The following SPSB4 variants were observed in gnomAD, a reference collection of about 807,000 sequenced individuals.
SPSB4 encodes the protein splA/ryanodine receptor domain and SOCS box containing 4.
Under a neutral mutation model 20.9 loss-of-function variants are expected in SPSB4, and 21 were observed. The ratio of observed to expected loss-of-function variants is 1.01; its 90% CI spans 0.71 to 1.45. SPSB4 has a LOEUF of 1.45. Ranked by LOEUF, SPSB4 falls within the 40% of genes most tolerant of loss-of-function variation. SPSB4 has a pLI of 0.00. For missense variants in SPSB4, 399 were observed against 399.2 expected (o/e 1.00, Z 0.00); for synonymous variants, 207 against 183.8 (o/e 1.13, Z -1.02).
At position 141,065,955 on chromosome 3, in the gene SPSB4, C is replaced by T. The variant is rs1390789141; in HGVS notation, c.-150C>T. The stretch of plus-strand genomic sequence containing the variant: ...CGTGCCCTTTGCTTCCTTCCAGGAG[C>T]TTGGGCCCCTGCCGCAGCCCGGTAG... On this transcript the variant is annotated 5_prime_UTR_variant, in exon 2 of 3. Transcript: ENST00000310546. The T allele has an allele frequency of 4.5e-6, 3 of 667,692 alleles. No individual in the cohort carries two copies. The African/African-American group carries it at 5.8e-5, about 13-fold the overall frequency. 41.4% of individuals were successfully genotyped at this position (667,692 alleles called of 1,614,324 possible).
At chr3:141,147,102 T>C (rs374933574) in intron 2 of SPSB4, 40 bp from the exon 3 acceptor site, 51 of 1,609,120 alleles carry the variant, frequency 3.2e-5, no homozygotes, top group Admixed American at 5.0e-5. Context: ...GGTGCCAGGA[T>C]GGCACAGGGC....
At chr3:141,117,458 G>A (rs1938895106) in intron 2 of SPSB4, among the ~76,000 whole-genome samples, 1 of 152,172 alleles carries the variant, frequency 6.6e-6, no homozygotes, top group Admixed American at 6.5e-5. Flanking sequence ...TTTGAGTTTG[G>A]TTGGGGCCAC....
At chr3:141,136,869 C>A (rs974322034) in intron 2 of SPSB4, among the ~76,000 whole-genome samples, 10 of 152,118 alleles carry the variant, frequency 6.6e-5, no homozygotes, top group Non-Finnish European at 1.0e-4. Flanking sequence ...TTTTCCAATT[C>A]TGTGAAGAAA....
chr3:141,146,237 C>T (rs1366626692), intron 2 of SPSB4, among the ~76,000 whole-genome samples: 1 of 152,076 alleles, frequency 6.6e-6, no homozygotes, highest in Non-Finnish European at 1.5e-5. Context: ...GGTCCTATGT[C>T]CAGTGGTTCC....
At chr3:141,060,509 A>G (rs1030188068) in intron 1 of SPSB4, among the ~76,000 whole-genome samples, 1 of 152,210 alleles carries the variant, frequency 6.6e-6, no homozygotes, top group Non-Finnish European at 1.5e-5. Context: ...ACCCCAGGTT[A>G]TGCAAGTTAT....
chr3:141,058,915 A>G (rs796373226), intron 1 of SPSB4, among the ~76,000 whole-genome samples: 2 of 152,262 alleles, frequency 1.3e-5, no homozygotes, highest in African/African-American at 4.8e-5. Context: ...CATCCTCTGA[A>G]AAACAGCAGA....
intron 2 of SPSB4, among the ~76,000 whole-genome samples, chr3:141,111,543 G>A (rs923340299): frequency 2.4e-4 from 37 of 152,008 alleles, no homozygotes; most frequent in African/African-American, 8.7e-4. Flanking sequence ...GGCAGGAAGA[G>A]GCCTGGGCTG....
chr3:141,069,557 GC>G (rs1937954466), intron 2 of SPSB4, among the ~76,000 whole-genome samples: 1 of 152,280 alleles, frequency 6.6e-6, no homozygotes, highest in South Asian at 2.1e-4. Flanking sequence ...CAAAAGGCAG[GC>G]CAACTCTCTG....
chr3:141,114,591 G>A (rs528760862), intron 2 of SPSB4, among the ~76,000 whole-genome samples: 15 of 152,310 alleles, frequency 9.8e-5, no homozygotes, highest in Admixed American at 2.6e-4. Context: ...TGGCCAGCCT[G>A]GGCACACTGG....
At chr3:141,053,734 GA>G (rs1249530823) in intron 1 of SPSB4, among the ~76,000 whole-genome samples, 1 of 151,062 alleles carries the variant, frequency 6.6e-6, no homozygotes, top group African/African-American at 2.5e-5. Flanking sequence ...AAAATTACAA[GA>G]TTTTTTTTTA....
At chr3:141,102,816 T>C (rs1559849178) in intron 2 of SPSB4, among the ~76,000 whole-genome samples, 1 of 152,126 alleles carries the variant, frequency 6.6e-6, no homozygotes, top group Admixed American at 6.5e-5. Flanking sequence ...TGGAGGTCAA[T>C]GCGGTTGCTC....
chr3:141,125,135 CT>C (rs1229776015), intron 2 of SPSB4, among the ~76,000 whole-genome samples: 3 of 152,178 alleles, frequency 2.0e-5, no homozygotes, highest in African/African-American at 7.2e-5. Flanking sequence ...ATCGATCACC[CT>C]GATTAGAATC....
chr3:141,136,159 T>G (rs62283603), intron 2 of SPSB4, among the ~76,000 whole-genome samples: 19,686 of 152,242 alleles, frequency 0.13, 1,517 homozygotes, highest in African/African-American at 0.2. Context: ...AAGGGTCTGT[T>G]CATATCCTTT....
intron 2 of SPSB4, among the ~76,000 whole-genome samples, chr3:141,068,626 G>C (rs146298875): frequency 1.3e-5 from 2 of 152,120 alleles, no homozygotes; most frequent in African/African-American, 4.8e-5. Context: ...CTGCAAAATG[G>C]GATAGTATCA....
chr3:141,110,143 A>T (rs953815000), intron 2 of SPSB4, among the ~76,000 whole-genome samples: 1 of 152,210 alleles, frequency 6.6e-6, no homozygotes, highest in East Asian at 1.9e-4. Flanking sequence ...TCTTTCAGGA[A>T]CCCAGAGGCC....
intron 2 of SPSB4, among the ~76,000 whole-genome samples, chr3:141,138,023 G>T (rs1576543736): frequency 6.6e-6 from 1 of 152,250 alleles, no homozygotes; most frequent in African/African-American, 2.4e-5. Context: ...CCTGTTATTG[G>T]TCTATTCAGA....
intron 2 of SPSB4, among the ~76,000 whole-genome samples, chr3:141,104,288 C>T (rs1342168550): frequency 2.6e-5 from 4 of 151,910 alleles, no homozygotes; most frequent in Non-Finnish European, 5.9e-5. Flanking sequence ...GTGGCAGGAG[C>T]AAAGGCAAGG....
rs141572224 is a variant in SPSB4, at chr3:141,082,463, G to A, written c.694+15665G>A. ...TAGGTCTGGCTTTGGCTTTTCGTGA[G>A]GTCCACACCACAGACATGCAGAACA... On this transcript the variant is annotated intron_variant, in intron 2 of 2. Transcript: ENST00000310546. 3.1e-3 allele frequency among the ~76,000 whole-genome samples: 479 copies of A among 152,280 alleles called. 1 individual carries two copies. The highest frequency in any genetic ancestry group is 5.9e-3 in the Non-Finnish European group (398 of 68,032).
At position 141,147,423 on chromosome 3, in the gene SPSB4, C is replaced by T; in HGVS notation, c.*154C>T. Reference sequence around the variant, plus strand: ...TTCAAAGACCAGGATGTGGTACCAACTTTGGAAACGAAAGGTCTCTTGCCA... The same window carrying T: ...TTCAAAGACCAGGATGTGGTACCAATTTTGGAAACGAAAGGTCTCTTGCCA... On this transcript the variant is annotated 3_prime_UTR_variant, in exon 3 of 3. Coordinates refer to ENST00000310546, the MANE Select transcript of SPSB4 (RefSeq NM_080862.3). 7.5e-7 allele frequency: 1 copy of T among 1,339,924 alleles called. No homozygotes were observed. The highest frequency in any genetic ancestry group is 1.0e-6 in the Non-Finnish European group (1 of 990,942). The allele number at this position is 1,339,924 out of a possible 1,614,324, so 83.0% of individuals were successfully genotyped here. A position where few individuals can be genotyped will look rare whatever the true frequency, so the allele number is the denominator to read the frequency against.
Sources: allele counts gnomAD v4.1 joint callset (sites outside exome capture counted in the v4.1 genomes callset), GRCh38; gene constraint gnomAD v4.1.1; transcripts MANE v1.5; gene names NCBI Gene and HGNC (gene_info 2026-07-23, HGNC 2026-07-21).